DPYD: variants seen among roughly 807,000 people sequenced by gnomAD.
DPYD encodes the protein dihydropyrimidine dehydrogenase [NADP(+)].
In DPYD, 109 loss-of-function variants were observed where a neutral mutation model predicts 116.2. The ratio of observed to expected loss-of-function variants is 0.94; its 90% CI spans 0.80 to 1.10. The LOEUF (loss-of-function observed/expected upper bound fraction) is 1.10, where lower values mean the gene tolerates loss of function less well. Among genes scored for constraint, DPYD ranks in the 50% least tolerant of loss-of-function variants. The pLI is 0.00. For missense variants in DPYD, 1,302 were observed against 1,254.5 expected (o/e 1.04, Z -0.57); for synonymous variants, 440 against 432.0 (o/e 1.02, Z -0.23).
At chr1:97,625,100 T>C (rs1458709784) in intron 8 of DPYD, among the ~76,000 whole-genome samples, 1 of 152,024 alleles carries the variant, frequency 6.6e-6, no homozygotes, top group East Asian at 1.9e-4. Flanking sequence ...TCCTAAGATA[T>C]TAAGTTCATA....
chr1:97,551,534 CA>C (rs1294979196), intron 11 of DPYD, among the ~76,000 whole-genome samples: 9 of 151,986 alleles, frequency 5.9e-5, no homozygotes, highest in Admixed American at 5.9e-4. Context: ...TGGCCTACAA[CA>C]GATCTGAAAT....
chr1:97,508,913 C>T (rs1382472596), intron 13 of DPYD, among the ~76,000 whole-genome samples: 1 of 151,928 alleles, frequency 6.6e-6, no homozygotes, highest in Non-Finnish European at 1.5e-5. Context: ...AACTTCTCCT[C>T]CTGCCTTTTT....
At chr1:97,429,252 T>C (rs921562057) in intron 14 of DPYD, among the ~76,000 whole-genome samples, 2 of 152,068 alleles carry the variant, frequency 1.3e-5, no homozygotes, top group African/African-American at 4.8e-5. Context: ...AATTGTACCA[T>C]ATGTAGGAGT....
At chr1:97,470,505 T>A (rs1677584887) in intron 13 of DPYD, among the ~76,000 whole-genome samples, 1 of 152,198 alleles carries the variant, frequency 6.6e-6, no homozygotes, top group Non-Finnish European at 1.5e-5. Flanking sequence ...ATGGAAGTAA[T>A]ATGTGCAATA....
chr1:97,638,612 G>T (rs1397962299), intron 8 of DPYD, among the ~76,000 whole-genome samples: 4 of 152,104 alleles, frequency 2.6e-5, no homozygotes, highest in Admixed American at 6.6e-5. Context: ...AATTTATAAA[G>T]AAAAGAAGTT....
chr1:97,098,646 A>G lies in DPYD; in HGVS notation c.2623-14T>C, dbSNP rs930962520. ...ACTTGGCAGTTTCTAAAAGGAAAAC[A>G]CACAAATAAGGAAGCATGTTAGCTC... On this transcript the variant is annotated splice_polypyrimidine_tract_variant and intron_variant, in intron 20 of 22. Transcript: ENST00000370192. 1.1e-5 allele frequency: 17 copies of G among 1,612,404 alleles called. No individual in the cohort carries two copies. Among genetic ancestry groups the G allele is most frequent in the Non-Finnish European group, 1.4e-5 (16 of 1,179,158 alleles).
chr1:97,118,819 CTTTCAAAAAACTTGT>C (rs1216419490), intron 20 of DPYD, among the ~76,000 whole-genome samples: 1 of 144,508 alleles, frequency 6.9e-6, no homozygotes. Context: ...TGCTTCAAAA[CTTTCAAAAAACTTGT>C]TTGTTTGTCT....
At chr1:97,573,084 G>C in intron 11 of DPYD, among the ~76,000 whole-genome samples, 1 of 151,970 alleles carries the variant, frequency 6.6e-6, no homozygotes, top group East Asian at 1.9e-4. Flanking sequence ...TAAAATGAAA[G>C]TACCTAGATA....
At chr1:97,228,323 C>T (rs1260968525) in intron 19 of DPYD, among the ~76,000 whole-genome samples, 1 of 152,038 alleles carries the variant, frequency 6.6e-6, no homozygotes, top group Non-Finnish European at 1.5e-5. Flanking sequence ...AAAAAATTAG[C>T]TTTCCATTCT....
At chr1:97,126,549 G>A (rs1415023881) in intron 20 of DPYD, among the ~76,000 whole-genome samples, 1 of 151,954 alleles carries the variant, frequency 6.6e-6, no homozygotes, top group Non-Finnish European at 1.5e-5. Flanking sequence ...TCCTTACTAT[G>A]TCCTAGGTCC....
chr1:97,207,301 A>G lies in DPYD; in HGVS notation c.2443-14053T>C, dbSNP rs1456913679. ...TTTCTCTCAACTTTTGCTGCACTCTATATCACTCATTGCATCATTTATACA... is the reference window on the plus strand; with the variant it reads ...TTTCTCTCAACTTTTGCTGCACTCTGTATCACTCATTGCATCATTTATACA... On this transcript the variant is annotated intron_variant, in intron 19 of 22. Coordinates refer to ENST00000370192, the MANE Select transcript of DPYD (RefSeq NM_000110.4). Among the ~76,000 whole-genome samples the G allele has an allele frequency of 3.9e-5, 6 of 152,278 alleles. No homozygotes were observed. In the East Asian group the frequency reaches 1.2e-3, roughly 29 times the overall value.
chr1:97,456,183 A>G (rs1245803262), intron 13 of DPYD, among the ~76,000 whole-genome samples: 3 of 151,946 alleles, frequency 2.0e-5, no homozygotes, highest in Non-Finnish European at 4.4e-5. Context: ...ATGGATAATA[A>G]TAATGTTGTT....
At position 97,306,223 on chromosome 1, in the gene DPYD, G is replaced by T. The variant is rs768101874; in HGVS notation, c.2133C>A (p.Thr711=). 76 of 1,612,366 alleles carry T rather than the reference G, an allele frequency of 4.7e-5. No homozygotes were observed. Among genetic ancestry groups the T allele is most frequent in the Non-Finnish European group, 6.3e-5 (74 of 1,178,956 alleles). ...AVQIPFFAKL[T]PNVTDIVSIA... ...TGCTCACAATATCAGTGACATTTGG[G>T]GTCAGCTTGGCAAAAAAAGGAATCT... Residue 711 remains threonine, a synonymous_variant, in exon 17 of 23, where the codon ACC becomes ACA. Transcript: ENST00000370192.
chr1:97,885,641 C>T (rs1053867842), intron 1 of DPYD, among the ~76,000 whole-genome samples: 2 of 151,992 alleles, frequency 1.3e-5, no homozygotes, highest in Non-Finnish European at 2.9e-5. Context: ...CATTATGTAA[C>T]TTAACTTACA....
rs1672713922 is a variant in DPYD at position 97,890,314 on chromosome 1, T to A, written c.40-6940A>T. On this transcript the variant is annotated intron_variant, in intron 1 of 22. Coordinates refer to ENST00000370192, the MANE Select transcript of DPYD (RefSeq NM_000110.4). Reference sequence around the variant, plus strand: ...AAGTAAAACCCTATTAAATTCTACATTCAGTCGATTTAGCCATATACTTTA... The same window carrying A: ...AAGTAAAACCCTATTAAATTCTACAATCAGTCGATTTAGCCATATACTTTA... 2.6e-5 allele frequency among the ~76,000 whole-genome samples: 4 copies of A among 152,108 alleles called. No individual in the cohort carries two copies. The South Asian group carries it at 6.2e-4, about 24-fold the overall frequency.
intron 13 of DPYD, among the ~76,000 whole-genome samples, chr1:97,457,751 T>C (rs1363601281): frequency 6.6e-6 from 1 of 152,032 alleles, no homozygotes; most frequent in Non-Finnish European, 1.5e-5. Flanking sequence ...TTAAATAGAG[T>C]TGGGTCAGAT....
At chr1:97,488,154 C>T (rs529534823) in intron 13 of DPYD, among the ~76,000 whole-genome samples, 56 of 151,528 alleles carry the variant, frequency 3.7e-4, no homozygotes, top group African/African-American at 1.3e-3. Flanking sequence ...GGGTATGATG[C>T]TTATTTTTTT....
At chr1:97,652,426 C>A (rs1658640818) in intron 8 of DPYD, among the ~76,000 whole-genome samples, 1 of 152,146 alleles carries the variant, frequency 6.6e-6, no homozygotes, top group African/African-American at 2.4e-5. Flanking sequence ...GAATTGGTAT[C>A]ATTACTGATT....
chr1:97,152,832 T>C (rs1402182073), intron 20 of DPYD, among the ~76,000 whole-genome samples: 1 of 152,080 alleles, frequency 6.6e-6, no homozygotes, highest in Non-Finnish European at 1.5e-5. Flanking sequence ...CATGGTTGCG[T>C]TTTCCCACTG....
Sources: allele counts gnomAD v4.1 joint callset (sites outside exome capture counted in the v4.1 genomes callset), GRCh38; gene constraint gnomAD v4.1.1; transcripts MANE v1.5; gene names NCBI Gene and HGNC (gene_info 2026-07-23, HGNC 2026-07-21).